ADGRB3: variants seen among roughly 807,000 people sequenced by gnomAD.
The protein encoded by ADGRB3 is brain-specific angiogenesis inhibitor 3.
Under a neutral mutation model 193.4 loss-of-function variants are expected in ADGRB3, and 37 were observed. The ratio of observed to expected loss-of-function variants is 0.19; its 90% CI spans 0.15 to 0.25. ADGRB3 has a LOEUF of 0.25. Among genes scored for constraint, ADGRB3 ranks in the 10% least tolerant of loss-of-function variants. The pLI, the probability that ADGRB3 is intolerant of heterozygous loss-of-function variation, is 1.00. For synonymous variants in ADGRB3, 690 were observed against 644.2 expected (o/e 1.07, Z -1.08); for missense variants, 1,637 against 1,852.9 (o/e 0.88, Z 2.14).
At chr6:69,165,670 A>G (rs1775113421) in intron 17 of ADGRB3, among the ~76,000 whole-genome samples, 2 of 152,022 alleles carry the variant, frequency 1.3e-5, no homozygotes, top group South Asian at 4.1e-4. Context: ...TGCATACTCT[A>G]GAGTTGCTTA....
At chr6:69,315,402 A>G (rs1352057757) in intron 20 of ADGRB3, among the ~76,000 whole-genome samples, 1 of 151,560 alleles carries the variant, frequency 6.6e-6, no homozygotes, top group Non-Finnish European at 1.5e-5. Flanking sequence ...GCAGTCAAAC[A>G]TCTTCAAATG....
chr6:69,120,907 G>T (rs62406781), intron 17 of ADGRB3, among the ~76,000 whole-genome samples: 1 of 151,450 alleles, frequency 6.6e-6, no homozygotes, highest in African/African-American at 2.4e-5. Context: ...TACCTCACTT[G>T]CATGTAAAAA....
At chr6:69,012,339 C>A (rs559687987) in intron 11 of ADGRB3, among the ~76,000 whole-genome samples, 4 of 151,874 alleles carry the variant, frequency 2.6e-5, no homozygotes, top group Admixed American at 1.3e-4. Context: ...GAATGCAGAC[C>A]GAGGTCATGG....
chr6:69,267,234 GT>G (rs778300846), intron 20 of ADGRB3, among the ~76,000 whole-genome samples: 74 of 152,180 alleles, frequency 4.9e-4, no homozygotes, highest in African/African-American at 1.7e-3. Context: ...CAATCTTGCT[GT>G]TGTTAGTTTC....
At chr6:68,748,473 T>C (rs1316500363) in intron 3 of ADGRB3, among the ~76,000 whole-genome samples, 1 of 152,162 alleles carries the variant, frequency 6.6e-6, no homozygotes, top group African/African-American at 2.4e-5. Context: ...GGCAGTCAAA[T>C]TTTAAAGCTC....
At chr6:69,011,300 A>G (rs1769930292) in intron 11 of ADGRB3, among the ~76,000 whole-genome samples, 1 of 152,038 alleles carries the variant, frequency 6.6e-6, no homozygotes, top group Non-Finnish European at 1.5e-5. Flanking sequence ...CAGCCATTAA[A>G]AAGAATGAAA....
At chr6:69,214,553 G>A (rs1164504325) in intron 17 of ADGRB3, among the ~76,000 whole-genome samples, 1 of 152,014 alleles carries the variant, frequency 6.6e-6, no homozygotes, top group Non-Finnish European at 1.5e-5. Context: ...AACCAGACTG[G>A]TGATTTTAGC....
chr6:69,128,163 C>T (rs894482878), intron 17 of ADGRB3, among the ~76,000 whole-genome samples: 1 of 152,080 alleles, frequency 6.6e-6, no homozygotes, highest in Non-Finnish European at 1.5e-5. Context: ...CTGTCTATAC[C>T]TATTATCAGT....
chr6:68,936,695 A>T lies in ADGRB3; in HGVS notation c.1030+15A>T. 6.2e-7 allele frequency: 1 copy of T among 1,605,512 alleles called. No homozygotes were observed. On this transcript the variant is annotated intron_variant, in intron 5 of 31. Coordinates refer to ENST00000370598, the MANE Select transcript of ADGRB3 (RefSeq NM_001704.3). ...CCTCTGTCCAGGTAGTGTTAGCAGC[A>T]ACTACAACTGTGGATGTTATTGAAT...
intron 17 of ADGRB3, among the ~76,000 whole-genome samples, chr6:69,198,771 GAATT>G (rs1435723147): frequency 4.6e-5 from 7 of 152,068 alleles, no homozygotes; most frequent in Non-Finnish European, 1.0e-4. Flanking sequence ...GGAATCCCCT[GAATT>G]AATTAATAAA....
chr6:68,663,127 T>C (rs943019744), intron 3 of ADGRB3, among the ~76,000 whole-genome samples: 3 of 151,536 alleles, frequency 2.0e-5, no homozygotes, highest in Middle Eastern at 3.4e-3. Flanking sequence ...GACTTACCTC[T>C]GTTATTTCAA....
At chr6:69,333,130 C>A in intron 24 of ADGRB3, 122 bp downstream of exon 24, 1 of 1,072,828 alleles carries the variant, frequency 9.3e-7, no homozygotes, top group Non-Finnish European at 1.3e-6. Flanking sequence ...CTAGTGTGTC[C>A]AGTAGATTCT....
In ADGRB3 at chr6:69,233,365, A is replaced by G. The variant is rs373759524; in HGVS notation, c.2556A>G (p.Leu852=). The G allele has an allele frequency of 6.2e-7, 1 of 1,613,994 alleles. No homozygotes were observed. The highest frequency in any genetic ancestry group is 1.7e-5 in the Admixed American group (1 of 59,994). The change falls in exon 18 of 32, where the codon TTA becomes TTG. Residue 852 remains leucine, a synonymous_variant. Coordinates refer to ENST00000370598, the MANE Select transcript of ADGRB3 (RefSeq NM_001704.3). ...CCGATGCATCCCATACGAAATGCTT[A>G]TGTGATCGTCTCTCTACCTTCGCCA... is the stretch of plus-strand genomic sequence containing the variant. ...VLTDASHTKC[L]CDRLSTFAIL...
At chr6:69,333,072 C>A in intron 24 of ADGRB3, 64 bp downstream of exon 24, 3 of 1,524,724 alleles carry the variant, frequency 2.0e-6, no homozygotes, top group South Asian at 1.2e-5. Context: ...CAATTTCAGA[C>A]CATCACTGAC....
intron 17 of ADGRB3, among the ~76,000 whole-genome samples, chr6:69,082,941 T>C (rs1772429924): frequency 1.3e-5 from 2 of 152,212 alleles, no homozygotes; most frequent in South Asian, 4.1e-4. Context: ...CTTGTTGATA[T>C]TGCATTAACC....
intron 29 of ADGRB3, among the ~76,000 whole-genome samples, chr6:69,367,522 CTGT>C (rs1389710260): frequency 6.6e-6 from 1 of 152,024 alleles, no homozygotes; most frequent in African/African-American, 2.4e-5. Flanking sequence ...TCTCCAGCAC[CTGT>C]TGTTTCCTGA....
At position 68,956,669 on chromosome 6, in the gene ADGRB3, G is replaced by A; in HGVS notation, c.1385G>A (p.Gly462Asp). ...CTANGQWNQWGHWSGCSKSCD... is the reference protein window; with the variant it reads ...CTANGQWNQWDHWSGCSKSCD... The stretch of plus-strand genomic sequence containing the variant: ...GCCAATGGTCAATGGAATCAGTGGG[G>A]TCATTGGAGTGGTTGTTCCAAGTCC... Residue 462 changes from glycine (G) to aspartate (D), a missense_variant, in exon 8 of 32, where the codon GGT (glycine) becomes GAT (aspartate). Gly to Asp is a moderately conservative substitution (Grantham distance 94). Around this residue, in one of 7 missense-constraint regions of ADGRB3, gnomAD observed 641 missense variants for 673.9 expected, o/e 0.95. Coordinates refer to ENST00000370598, the MANE Select transcript of ADGRB3 (RefSeq NM_001704.3). 1 of 1,613,990 alleles carries A rather than the reference G, an allele frequency of 6.2e-7. No individual in the cohort carries two copies.
chr6:69,275,839 T>C (rs1314561882), intron 20 of ADGRB3, among the ~76,000 whole-genome samples: 2 of 152,160 alleles, frequency 1.3e-5, no homozygotes, highest in Admixed American at 6.6e-5. Flanking sequence ...TTGAGACTAA[T>C]GGAATTTCTC....
chr6:68,863,337 C>T lies in ADGRB3; in HGVS notation c.758-67222C>T, dbSNP rs184937419. Among the ~76,000 whole-genome samples, 248 of 151,916 alleles carry T rather than the reference C, an allele frequency of 1.6e-3. 3 individuals carry two copies. The highest frequency in any genetic ancestry group is 5.8e-3 in the African/African-American group (239 of 41,460). ...ACCATATATATGAAGTAATATGGACCATAGTGTTTCTCATCACATATTGAC... is the reference window on the plus strand; with the variant it reads ...ACCATATATATGAAGTAATATGGACTATAGTGTTTCTCATCACATATTGAC... On this transcript the variant is annotated intron_variant, in intron 3 of 31. Coordinates refer to ENST00000370598, the MANE Select transcript of ADGRB3 (RefSeq NM_001704.3).
Sources: gnomAD v4.1 joint callset for allele counts (sites outside exome capture counted in the v4.1 genomes callset) on GRCh38, gnomAD v4.1.1 for gene constraint, gnomAD v4.1.1 regional missense constraint, MANE v1.5 for transcripts, NCBI Gene and HGNC (gene_info 2026-07-23, HGNC 2026-07-21) for gene names.